The following NBAS variants were observed in gnomAD, a reference collection of about 807,000 sequenced individuals.
NBAS encodes the protein NBAS subunit of NRZ tethering complex.
In NBAS, 219 loss-of-function variants were observed where a neutral mutation model predicts 302.5. The observed-to-expected ratio is 0.72, with a 90% CI of 0.65 to 0.81. The LOEUF is 0.81. Ranked by LOEUF, NBAS falls within the 30% of genes least tolerant of loss-of-function variation. The probability of loss-of-function intolerance (pLI) is 0.00; values close to 1 mark genes in which losing one functional copy is unlikely to be tolerated. For missense variants in NBAS, 2,932 were observed against 2,841.6 expected, an observed-to-expected ratio of 1.03 and a Z score of -0.72; for synonymous variants, 1,118 against 1,021.6, an observed-to-expected ratio of 1.09 and a Z score of -1.80.
intron 31 of NBAS, among the ~76,000 whole-genome samples, chr2:15,369,136 C>A (rs1222013666): frequency 1.3e-5 from 2 of 152,058 alleles, no homozygotes; most frequent in Non-Finnish European, 2.9e-5. Context: ...ATTTTCAAAA[C>A]AAAATTTGTT....
chr2:15,308,131 C>A (rs949959785), intron 40 of NBAS, 85 bp downstream of exon 40: 37 of 1,585,788 alleles, frequency 2.3e-5, no homozygotes, highest in Non-Finnish European at 3.0e-5. Context: ...GTAATCAGTT[C>A]CTCCAAAAAT....
intron 32 of NBAS, among the ~76,000 whole-genome samples, chr2:15,358,313 C>T (rs762112568): frequency 5.9e-5 from 9 of 152,056 alleles, no homozygotes; most frequent in Non-Finnish European, 1.3e-4. Flanking sequence ...AGTCCTTGTG[C>T]CTCTGCTGTC....
chr2:15,553,587 G>A (rs905410661), intron 4 of NBAS, 114 bp from the exon 5 acceptor site: 24 of 974,124 alleles, frequency 2.5e-5, no homozygotes, highest in Non-Finnish European at 8.1e-6. Flanking sequence ...TTGTTCACAT[G>A]CTTTAATTAT....
At chr2:15,430,261 T>C (rs964739885) in intron 21 of NBAS, among the ~76,000 whole-genome samples, 6 of 152,166 alleles carry the variant, frequency 3.9e-5, no homozygotes, top group Admixed American at 6.6e-5. Context: ...AAAACAGATA[T>C]ATAATATACA....
chr2:15,124,965 G>A, the NBAS span, among the ~76,000 whole-genome samples: 3 of 152,162 alleles, frequency 2.0e-5, no homozygotes, highest in Non-Finnish European at 2.9e-5. Context: ...CACACACAGA[G>A]TCCCCACCGG....
At chr2:15,366,397 GCTAA>G (rs1176410994) in intron 32 of NBAS, among the ~76,000 whole-genome samples, 179 bp downstream of exon 32, 2 of 152,112 alleles carry the variant, frequency 1.3e-5, no homozygotes, top group African/African-American at 4.8e-5. Flanking sequence ...GTTCTTCTTA[GCTAA>G]CTGAGAGGCT....
the NBAS span, among the ~76,000 whole-genome samples, chr2:15,152,294 G>A: frequency 1.1e-4 from 16 of 152,216 alleles, no homozygotes; most frequent in South Asian, 2.1e-4. Flanking sequence ...GCAGAGTGGC[G>A]TCCGTACCCA....
In NBAS at chr2:15,402,314, A is replaced by C; in HGVS notation, c.2938-13T>G. 6.2e-7 allele frequency: 1 copy of C among 1,613,116 alleles called. No individual in the cohort carries two copies. Among genetic ancestry groups the C allele is most frequent in the Non-Finnish European group, 8.5e-7 (1 of 1,179,378 alleles). ...TTTTTTGCTGCAGCTACAGAAAATA[A>C]AGTATGTTGTACTAAATGTCAACAG... is the stretch of plus-strand genomic sequence containing the variant. On this transcript the variant is annotated splice_polypyrimidine_tract_variant and intron_variant, in intron 25 of 51. Transcript: ENST00000281513.
chr2:14,902,782 G>C, the NBAS span, among the ~76,000 whole-genome samples: 11 of 152,290 alleles, frequency 7.2e-5, no homozygotes, highest in African/African-American at 2.4e-4. Context: ...GAATTGGTAG[G>C]TAATTAATCA....
intron 9 of NBAS, among the ~76,000 whole-genome samples, chr2:15,524,953 G>T (rs1000125859): frequency 2.6e-5 from 4 of 152,224 alleles, no homozygotes; most frequent in African/African-American, 9.6e-5. Flanking sequence ...ACCCACAGCT[G>T]ATGCTAAAGA....
intron 35 of NBAS, among the ~76,000 whole-genome samples, chr2:15,348,158 T>A (rs541209531): frequency 6.6e-5 from 10 of 152,350 alleles, no homozygotes; most frequent in African/African-American, 2.4e-4. Context: ...TATAACATTC[T>A]GAAATGTGCC....
At chr2:15,392,471 C>T (rs966976025) in intron 28 of NBAS, among the ~76,000 whole-genome samples, 3 of 151,760 alleles carry the variant, frequency 2.0e-5, no homozygotes, top group African/African-American at 4.8e-5. Context: ...TGTATTTCTA[C>T]GCATTAGGAA....
the NBAS span, among the ~76,000 whole-genome samples, chr2:15,002,910 G>A: frequency 2.6e-5 from 4 of 152,218 alleles, no homozygotes; most frequent in Non-Finnish European, 5.9e-5. Context: ...TCCCGCTGGC[G>A]CCTCTCCCTC....
the NBAS span, among the ~76,000 whole-genome samples, chr2:15,063,117 G>T: frequency 6.6e-6 from 1 of 152,186 alleles, no homozygotes; most frequent in Non-Finnish European, 1.5e-5. Flanking sequence ...CTCGTGGAGT[G>T]TGGGCAACTC....
chr2:14,807,821 C>T, the NBAS span, among the ~76,000 whole-genome samples: 1 of 152,134 alleles, frequency 6.6e-6, no homozygotes, highest in Non-Finnish European at 1.5e-5. Context: ...GTAACAAACG[C>T]TCTGAAGATA....
chr2:15,441,878 T>G (rs1678432789), intron 21 of NBAS, among the ~76,000 whole-genome samples: 1 of 151,094 alleles, frequency 6.6e-6, no homozygotes, highest in South Asian at 2.1e-4. Flanking sequence ...TAAAACAGAC[T>G]TTAAACCAAC....
intron 48 of NBAS, among the ~76,000 whole-genome samples, chr2:15,208,820 T>C (rs1009018858): frequency 5.3e-5 from 8 of 152,142 alleles, no homozygotes; most frequent in African/African-American, 1.9e-4. Context: ...AAGAAGTTTA[T>C]AGCTATAAGT....
At chr2:15,242,443 T>C (rs1667906615) in intron 44 of NBAS, among the ~76,000 whole-genome samples, 1 of 152,220 alleles carries the variant, frequency 6.6e-6, no homozygotes, top group Non-Finnish European at 1.5e-5. Context: ...TTTATTTGAC[T>C]AGGCGTTTTA....
At chr2:15,286,992 T>G in intron 42 of NBAS, 81 bp downstream of exon 42, 1 of 1,191,878 alleles carries the variant, frequency 8.4e-7, no homozygotes, top group Non-Finnish European at 1.3e-6. Flanking sequence ...AAATTGTACT[T>G]TACAACTTCT....
Sources: gnomAD v4.1 joint callset for allele counts (sites outside exome capture counted in the v4.1 genomes callset) on GRCh38, gnomAD v4.1.1 for gene constraint, MANE v1.5 for transcripts, NCBI Gene and HGNC (gene_info 2026-07-23, HGNC 2026-07-21) for gene names.